The following PCNX1 variants were observed in gnomAD, a reference collection of about 807,000 sequenced individuals.
PCNX1 encodes pecanex-like protein 1.
In PCNX1, 78 loss-of-function variants were observed where a neutral mutation model predicts 242.2. That is an observed-to-expected ratio of 0.32 (90% confidence interval 0.27 to 0.39). The LOEUF is 0.39. PCNX1 is among the 10% of genes least tolerant of loss of function. PCNX1 has a pLI of 1.00. For synonymous variants in PCNX1, 1,024 were observed against 1,032.9 expected (o/e 0.99, Z 0.17); for missense variants, 2,581 against 2,856.5 (o/e 0.90, Z 2.20).
At chr14:71,067,082 T>A (rs1300418703) in intron 26 of PCNX1, among the ~76,000 whole-genome samples, 1 of 151,926 alleles carries the variant, frequency 6.6e-6, no homozygotes, top group Non-Finnish European at 1.5e-5. Flanking sequence ...TTTTTTTTTT[T>A]AATGTCTCTG....
At chr14:71,089,861 A>G (rs1393916935) in intron 30 of PCNX1, among the ~76,000 whole-genome samples, 1 of 152,226 alleles carries the variant, frequency 6.6e-6, no homozygotes, top group Non-Finnish European at 1.5e-5. Flanking sequence ...TCATGACAAG[A>G]TATATTAAAT....
chr14:70,924,245 A>AG (rs2056497448), intron 1 of PCNX1, among the ~76,000 whole-genome samples: 1 of 151,514 alleles, frequency 6.6e-6, no homozygotes, highest in Admixed American at 6.6e-5. Context: ...AAAAAAAAAA[A>AG]AAAAGAAAAA....
chr14:71,113,883 AGTCGT>A lies in PCNX1; in HGVS notation c.*3949_*3953del, dbSNP rs2062802955. ...TGTGTGTGTGTATGTTTGTTTTTTA[AGTCGT>A]CATTATTCATTCGTATTCTTTTTCT... On this transcript the variant is annotated 3_prime_UTR_variant, in exon 36 of 36. Transcript: ENST00000304743. 6.6e-6 allele frequency: 1 copy of A among 151,994 alleles called. No homozygotes were observed. The highest frequency in any genetic ancestry group is 2.4e-5 in the African/African-American group (1 of 41,378). The allele number at this position is 151,994 out of a possible 1,614,324, so 9.4% of individuals were successfully genotyped here. A position where few individuals can be genotyped will look rare whatever the true frequency, so the allele number is the denominator to read the frequency against.
At chr14:70,952,762 A>G (rs1375363351) in intron 2 of PCNX1, among the ~76,000 whole-genome samples, 3 of 152,098 alleles carry the variant, frequency 2.0e-5, no homozygotes, top group Non-Finnish European at 4.4e-5. Flanking sequence ...CTTGTGGTAC[A>G]TGTGTATATC....
intron 8 of PCNX1, among the ~76,000 whole-genome samples, chr14:71,008,655 C>CAAAAAAAA (rs777494885): frequency 6.1e-5 from 2 of 32,752 alleles, no homozygotes; most frequent in African/African-American, 7.9e-5. Flanking sequence ...GACTCTGTCT[C>CAAAAAAAA]AAAAAAAAAA....
intron 26 of PCNX1, among the ~76,000 whole-genome samples, chr14:71,071,972 C>T (rs2061597758): frequency 6.6e-6 from 1 of 152,174 alleles, no homozygotes; most frequent in Admixed American, 6.6e-5. Context: ...AGAGTTCATA[C>T]ACCATTTGTC....
At chr14:70,908,787 G>A (rs749512803) in intron 1 of PCNX1, among the ~76,000 whole-genome samples, 1 of 152,238 alleles carries the variant, frequency 6.6e-6, no homozygotes, top group South Asian at 2.1e-4. Context: ...GCCTTTGGCG[G>A]ATAGGAGTAG....
intron 8 of PCNX1, among the ~76,000 whole-genome samples, chr14:71,003,741 G>A (rs1214399292): frequency 1.3e-5 from 2 of 152,100 alleles, no homozygotes; most frequent in Non-Finnish European, 1.5e-5. Flanking sequence ...TAATCAGATA[G>A]CCATGTCAGT....
intron 30 of PCNX1, among the ~76,000 whole-genome samples, chr14:71,100,264 T>G (rs2062428172): frequency 6.6e-6 from 1 of 152,202 alleles, no homozygotes; most frequent in Non-Finnish European, 1.5e-5. Context: ...TAGAACTCCC[T>G]TAAGGATCTC....
chr14:70,910,667 T>C (rs541226155), intron 1 of PCNX1, among the ~76,000 whole-genome samples: 3 of 152,210 alleles, frequency 2.0e-5, no homozygotes, highest in Admixed American at 6.5e-5. Context: ...TAAAATAGTA[T>C]GGTATTTATT....
Position 71,039,169 on chromosome 14 carries a change from G to A in PCNX1, c.3867+3012G>A, listed in dbSNP as rs180925833. ...GCACACCAGCATGGCACATGTATAC[G>A]TATGTAACTAACCTGCACAATGTGC... is the stretch of plus-strand genomic sequence containing the variant. On this transcript the variant is annotated intron_variant, in intron 19 of 35. Transcript: ENST00000304743. Among the ~76,000 whole-genome samples the A allele has an allele frequency of 9.2e-3, 1,392 of 151,562 alleles. 10 individuals are homozygous for A. Among genetic ancestry groups the A allele is most frequent in the South Asian group, 0.018 (84 of 4,794 alleles).
chr14:71,034,606 A>T (rs543871025), intron 18 of PCNX1, among the ~76,000 whole-genome samples: 25 of 152,210 alleles, frequency 1.6e-4, no homozygotes, highest in Non-Finnish European at 2.9e-4. Context: ...TATTTGAAAA[A>T]TGAATTCTGT....
chr14:71,043,988 G>C (rs553160623), intron 19 of PCNX1, among the ~76,000 whole-genome samples: 3 of 152,168 alleles, frequency 2.0e-5, no homozygotes, highest in Non-Finnish European at 4.4e-5. Flanking sequence ...AAGAAAGACT[G>C]TTTCCTTTAG....
At chr14:71,080,140 A>G (rs1167030345) in intron 28 of PCNX1, among the ~76,000 whole-genome samples, 6 of 152,090 alleles carry the variant, frequency 3.9e-5, no homozygotes, top group African/African-American at 1.4e-4. Context: ...TCCTTTCCCC[A>G]TTGTCTTGTT....
In PCNX1 at chr14:71,115,087, G is replaced by A. The variant is rs1566823347; in HGVS notation, c.*5152G>A. The A allele has an allele frequency of 6.6e-6, 1 of 152,524 alleles. No individual in the cohort carries two copies. Among genetic ancestry groups the A allele is most frequent in the Non-Finnish European group, 1.5e-5 (1 of 68,030 alleles). 9.4% of individuals were successfully genotyped at this position (152,524 alleles called of 1,614,324 possible). On this transcript the variant is annotated 3_prime_UTR_variant, in exon 36 of 36. Transcript: ENST00000304743. ...AAATGGAAGGAGGAATATTGAAAAT[G>A]ATTCTAGGAAAGTGAACGTAAGAAA...
intron 13 of PCNX1, 126 bp downstream of exon 13, chr14:71,023,358 T>C: frequency 2.9e-6 from 2 of 696,324 alleles, no homozygotes; most frequent in Non-Finnish European, 5.1e-6. Context: ...TATGTTATTA[T>C]TTTCCTCATC....
At chr14:70,959,744 C>A (rs956456926) in intron 2 of PCNX1, among the ~76,000 whole-genome samples, 7 of 150,452 alleles carry the variant, frequency 4.7e-5, no homozygotes, top group African/African-American at 1.7e-4. Context: ...GGTATATACC[C>A]AGTAATGGAA....
At chr14:71,006,953 A>G (rs1378208253) in intron 8 of PCNX1, among the ~76,000 whole-genome samples, 1 of 152,192 alleles carries the variant, frequency 6.6e-6, no homozygotes, top group African/African-American at 2.4e-5. Context: ...GCGTATTTTT[A>G]AGAACCTAAA....
At chr14:71,062,034 A>C (rs954268982) in intron 26 of PCNX1, among the ~76,000 whole-genome samples, 1 of 152,216 alleles carries the variant, frequency 6.6e-6, no homozygotes, top group Non-Finnish European at 1.5e-5. Flanking sequence ...AACATGGACC[A>C]TAACACCAAA....
Sources: allele counts gnomAD v4.1 joint callset (sites outside exome capture counted in the v4.1 genomes callset), GRCh38; gene constraint gnomAD v4.1.1; transcripts MANE v1.5; gene names NCBI Gene and HGNC (gene_info 2026-07-23, HGNC 2026-07-21).